INTS6: variants seen among roughly 807,000 people sequenced by gnomAD.
INTS6 encodes integrator complex subunit 6.
A neutral mutation model predicts 104.9 loss-of-function variants in INTS6; 16 were observed. The ratio of observed to expected loss-of-function variants is 0.15; its 90% CI spans 0.10 to 0.23. INTS6 has a LOEUF of 0.23. Among genes scored for constraint, INTS6 ranks in the 10% least tolerant of loss-of-function variants. INTS6 has a pLI of 1.00. For synonymous variants in INTS6, 324 were observed against 358.7 expected, an observed-to-expected ratio of 0.90 and a Z score of 1.09; for missense variants, 584 against 1,062.8, an observed-to-expected ratio of 0.55 and a Z score of 6.26.
At chr13:51,404,180 A>AG (rs973594352) in intron 4 of INTS6, among the ~76,000 whole-genome samples, 3 of 150,980 alleles carry the variant, frequency 2.0e-5, no homozygotes, top group African/African-American at 7.3e-5. Context: ...AGGCTGCAGC[A>AG]GGGGGATAGC....
intron 3 of INTS6, among the ~76,000 whole-genome samples, chr13:51,432,479 T>G (rs183593539): frequency 5.2e-4 from 79 of 152,242 alleles, no homozygotes; most frequent in Middle Eastern, 3.4e-3. Flanking sequence ...CACCATCTTG[T>G]ATTGCTTGCT....
At chr13:51,450,280 A>G (rs2138178457) in intron 3 of INTS6, 2 of 985,104 alleles carry the variant, frequency 2.0e-6, no homozygotes, top group Non-Finnish European at 2.4e-6. Context: ...ATGTTACAAT[A>G]GACCACCTTG....
rs1042311082 is a variant in INTS6, at chr13:51,364,326, A to G, written c.*1426T>C. 11 of 1,191,574 alleles carry G rather than the reference A, an allele frequency of 9.2e-6. No homozygotes were observed. The Admixed American group carries it at 1.4e-4, about 15-fold the overall frequency. The allele number at this position is 1,191,574 out of a possible 1,614,324, so 73.8% of individuals were successfully genotyped here. A position where few individuals can be genotyped will look rare whatever the true frequency, so the allele number is the denominator to read the frequency against. ...CATCAATGCTTTTCTTCATAAAGTT[A>G]TAATTTCATTTTGCTATACCCTTGA... On this transcript the variant is annotated 3_prime_UTR_variant, in exon 18 of 18. Coordinates refer to ENST00000311234, the MANE Select transcript of INTS6 (RefSeq NM_012141.3).
At chr13:51,360,895 C>T (rs549847922), downstream of INTS6, among the ~76,000 whole-genome samples, 58 of 152,110 alleles carry the variant, frequency 3.8e-4, no homozygotes, top group African/African-American at 1.3e-3. Flanking sequence ...TGCATTTTAA[C>T]ACATACCCTA....
At chr13:51,442,829 T>G (rs1952823553) in intron 3 of INTS6, 1 of 152,210 alleles carries the variant, frequency 6.6e-6, no homozygotes, top group South Asian at 2.1e-4. Flanking sequence ...AAAAACTGTC[T>G]TCCACAAAAC....
chr13:51,364,265 T>G lies in INTS6; in HGVS notation c.*1487A>C, dbSNP rs1474085910. 6 of 1,479,324 alleles carry G rather than the reference T, an allele frequency of 4.1e-6. No homozygotes were observed. In the Admixed American group the frequency reaches 8.1e-5, roughly 20 times the overall value. The allele number at this position is 1,479,324 out of a possible 1,614,324, so 91.6% of individuals were successfully genotyped here. On this transcript the variant is annotated 3_prime_UTR_variant, in exon 18 of 18. Coordinates refer to ENST00000311234, the MANE Select transcript of INTS6 (RefSeq NM_012141.3). ...GTTTGTCTTCAGTATTGGGAGAGTT[T>G]CAAATCCCCTAGACTAAATGCATGT...
chr13:51,422,150 T>C (rs1311340751), intron 4 of INTS6, among the ~76,000 whole-genome samples: 1 of 152,152 alleles, frequency 6.6e-6, no homozygotes, highest in Non-Finnish European at 1.5e-5. Context: ...CTTTAAAACA[T>C]CCTTACACGA....
At chr13:51,344,237 A>C in the INTS6 span, 4 of 1,605,518 alleles carry the variant, frequency 2.5e-6, no homozygotes, top group South Asian at 3.3e-5. Context: ...ACTTATCCCA[A>C]CTTGTTTTTC....
chr13:51,427,961 T>C (rs1957013593), intron 4 of INTS6, among the ~76,000 whole-genome samples: 1 of 152,136 alleles, frequency 6.6e-6, no homozygotes, highest in Non-Finnish European at 1.5e-5. Context: ...GGAAGAAAGG[T>C]GAGCAATTCC....
intron 3 of INTS6, among the ~76,000 whole-genome samples, chr13:51,432,447 CAATTT>C (rs1194929554): frequency 2.0e-5 from 3 of 147,608 alleles, no homozygotes; most frequent in Non-Finnish European, 3.0e-5. Context: ...GTGTTTACCA[CAATTT>C]ATTAAAAAAA....
At chr13:51,344,514 G>A in the INTS6 span, 3 of 1,520,522 alleles carry the variant, frequency 2.0e-6, no homozygotes, top group Non-Finnish European at 1.8e-6. Flanking sequence ...TTTCAACAAG[G>A]CTAAGGCAGA....
chr13:51,428,502 T>A (rs1002368037), intron 4 of INTS6, among the ~76,000 whole-genome samples: 1 of 151,946 alleles, frequency 6.6e-6, no homozygotes, highest in Admixed American at 6.6e-5. Flanking sequence ...TTTTTTTGTA[T>A]TTTTGGTAGA....
chr13:51,434,511 A>C (rs1032063622), intron 3 of INTS6, among the ~76,000 whole-genome samples: 1 of 152,164 alleles, frequency 6.6e-6, no homozygotes, highest in Non-Finnish European at 1.5e-5. Context: ...CTCTAAGATT[A>C]AAGAGCTTAG....
rs376607490 is a variant in INTS6 at position 51,368,958 on chromosome 13, C to A, written c.2457G>T (p.Glu819Asp). The stretch of plus-strand genomic sequence containing the variant: ...ACATACTTCTTCCTGGCTTTCGGAT[C>A]TCTTTCATTATTTGTGCTTTTAGTT... ...NTELKAQIMK[E>D]IRKPGRKYER... The change falls in exon 16 of 18, where the codon GAG (glutamate) becomes GAT (aspartate). Residue 819 changes from glutamate (E) to aspartate (D), a missense_variant. Physicochemically the swap from Glu to Asp is conservative, Grantham distance 45. Coordinates refer to ENST00000311234, the MANE Select transcript of INTS6 (RefSeq NM_012141.3). The A allele has an allele frequency of 1.3e-6, 2 of 1,586,008 alleles. No homozygotes were observed. Among genetic ancestry groups the A allele is most frequent in the Non-Finnish European group, 1.7e-6 (2 of 1,165,602 alleles).
chr13:51,363,062 A>G lies in INTS6; in HGVS notation c.*2690T>C, dbSNP rs897503968. 2.0e-5 allele frequency: 3 copies of G among 151,956 alleles called. No individual in the cohort carries two copies. Among genetic ancestry groups the G allele is most frequent in the Middle Eastern group, 3.4e-3 (1 of 294 alleles). 9.4% of individuals were successfully genotyped at this position (151,956 alleles called of 1,614,324 possible). A position where few individuals can be genotyped will look rare whatever the true frequency, so the allele number is the denominator to read the frequency against. On this transcript the variant is annotated 3_prime_UTR_variant, in exon 18 of 18. Transcript: ENST00000311234. The stretch of plus-strand genomic sequence containing the variant: ...AAAGATGAGAAAAAGGACAGGTTCT[A>G]CTCCCTAAGGAAACAAAGAGACAGG...
intron 3 of INTS6, among the ~76,000 whole-genome samples, chr13:51,430,783 G>T (rs945674041): frequency 2.3e-4 from 35 of 152,236 alleles, no homozygotes; most frequent in African/African-American, 7.9e-4. Flanking sequence ...TTCTTAAAAA[G>T]GAAGGCAAGA....
In INTS6 at chr13:51,452,936, C is replaced by A; in HGVS notation, c.-411G>T. The A allele has an allele frequency of 2.8e-6, 3 of 1,062,996 alleles. No homozygotes were observed. The highest frequency in any genetic ancestry group is 3.4e-6 in the Non-Finnish European group (3 of 876,982). The allele number at this position is 1,062,996 out of a possible 1,614,324, so 65.8% of individuals were successfully genotyped here. ...GGGAGCTGGCGAAGAGGGGAGTGGG[C>A]TGAGGGAAGATTGGCCCTGGGGCTG... On this transcript the variant is annotated 5_prime_UTR_variant, in exon 1 of 18. Coordinates refer to ENST00000311234, the MANE Select transcript of INTS6 (RefSeq NM_012141.3). The surrounding 1 kb of genome is among the most constrained non-coding windows in gnomAD (Gnocchi z 4.2).
intron 3 of INTS6, among the ~76,000 whole-genome samples, chr13:51,432,252 T>C (rs1261299714): frequency 6.6e-6 from 1 of 152,130 alleles, no homozygotes; most frequent in Non-Finnish European, 1.5e-5. Context: ...TTCTTTAAAA[T>C]TGGATTTGAG....
At chr13:51,379,043 T>C (rs1955993427) in intron 11 of INTS6, among the ~76,000 whole-genome samples, 1 of 151,976 alleles carries the variant, frequency 6.6e-6, no homozygotes, top group Non-Finnish European at 1.5e-5. Flanking sequence ...ATGTGACTTA[T>C]GGCCAGAATG....
Sources: gnomAD v4.1 joint callset for allele counts (sites outside exome capture counted in the v4.1 genomes callset) on GRCh38, gnomAD v4.1.1 for gene constraint, Gnocchi (gnomAD v3.1) non-coding constraint, MANE v1.5 for transcripts, NCBI Gene and HGNC (gene_info 2026-07-23, HGNC 2026-07-21) for gene names.